Variants in SAMD12 observed in about 807,000 individuals in gnomAD.
The protein encoded by SAMD12 is sterile alpha motif domain-containing protein 12.
A neutral mutation model predicts 15.0 loss-of-function variants in SAMD12; 9 were observed. The ratio of observed to expected loss-of-function variants is 0.60; its 90% CI spans 0.36 to 1.05. SAMD12 has a LOEUF of 1.05. Among genes scored for constraint, SAMD12 ranks in the 50% least tolerant of loss-of-function variants. The probability of loss-of-function intolerance (pLI) is 0.01; values close to 1 mark genes in which losing one functional copy is unlikely to be tolerated. For synonymous variants in SAMD12, 86 were observed against 90.1 expected (o/e 0.96, Z 0.25); for missense variants, 230 against 234.2 (o/e 0.98, Z 0.12).
At chr8:118,422,380 A>G (rs1450741882) in intron 3 of SAMD12, among the ~76,000 whole-genome samples, 1 of 152,244 alleles carries the variant, frequency 6.6e-6, no homozygotes, top group East Asian at 1.9e-4. Context: ...ATTGTGTAAA[A>G]TGTAAAGCAA....
chr8:118,558,119 A>G (rs1367498527), intron 2 of SAMD12, among the ~76,000 whole-genome samples: 1 of 152,208 alleles, frequency 6.6e-6, no homozygotes, highest in African/African-American at 2.4e-5. Flanking sequence ...TATAAAAAGT[A>G]TATCTACGCA....
the SAMD12 span, among the ~76,000 whole-genome samples, chr8:118,138,060 A>G: frequency 6.6e-6 from 1 of 152,122 alleles, no homozygotes; most frequent in Non-Finnish European, 1.5e-5. Flanking sequence ...TGGGACAGAC[A>G]TGTGCTGGGA....
chr8:118,440,686 AC>A (rs1212883886), intron 2 of SAMD12, among the ~76,000 whole-genome samples: 17 of 148,494 alleles, frequency 1.1e-4, no homozygotes, highest in African/African-American at 3.6e-4. Context: ...ACACACACAC[AC>A]ACACACACAA....
chr8:118,574,669 T>G (rs566607346), intron 2 of SAMD12, among the ~76,000 whole-genome samples: 7 of 152,362 alleles, frequency 4.6e-5, no homozygotes, highest in African/African-American at 1.4e-4. Flanking sequence ...GTAGTTTCGT[T>G]TGAGCCCTGT....
intron 4 of SAMD12, among the ~76,000 whole-genome samples, chr8:118,236,009 G>A (rs1448003345): frequency 6.6e-6 from 1 of 152,136 alleles, no homozygotes; most frequent in African/African-American, 2.4e-5. Context: ...TCTTAAATGA[G>A]GTAGTAATAG....
intron 4 of SAMD12, among the ~76,000 whole-genome samples, chr8:118,364,588 T>G (rs1392231739): frequency 6.6e-6 from 1 of 152,152 alleles, no homozygotes; most frequent in African/African-American, 2.4e-5. Context: ...CAGCAGACCC[T>G]CACGCTTTCA....
chr8:118,457,989 T>C (rs1270400323), intron 2 of SAMD12, among the ~76,000 whole-genome samples: 1 of 152,226 alleles, frequency 6.6e-6, no homozygotes, highest in Non-Finnish European at 1.5e-5. Context: ...AATACTCACT[T>C]GGCTCTTGAA....
chr8:118,165,452 C>T, the SAMD12 span, among the ~76,000 whole-genome samples: 1 of 151,724 alleles, frequency 6.6e-6, no homozygotes, highest in African/African-American at 2.4e-5. Flanking sequence ...GACGGGGTTT[C>T]ACCATGTTGG....
intron 3 of SAMD12, among the ~76,000 whole-genome samples, chr8:118,386,611 C>T (rs1819978318): frequency 1.3e-5 from 2 of 152,210 alleles, no homozygotes; most frequent in African/African-American, 4.8e-5. Context: ...GTTCATTGTG[C>T]TCCTCATGGA....
chr8:118,380,658 G>A (rs1184117278), intron 3 of SAMD12, among the ~76,000 whole-genome samples: 1 of 152,172 alleles, frequency 6.6e-6, no homozygotes, highest in Non-Finnish European at 1.5e-5. Flanking sequence ...CACATCTGCA[G>A]ATCTTTTCTC....
chr8:118,332,766 A>G (rs1816864839), intron 4 of SAMD12, among the ~76,000 whole-genome samples: 1 of 152,124 alleles, frequency 6.6e-6, no homozygotes, highest in African/African-American at 2.4e-5. Flanking sequence ...TAGCCCTCAT[A>G]CTTGCCCCAT....
chr8:118,371,314 G>C (rs1412678789), intron 4 of SAMD12, among the ~76,000 whole-genome samples: 1 of 152,136 alleles, frequency 6.6e-6, no homozygotes, highest in Non-Finnish European at 1.5e-5. Flanking sequence ...GAAGTTAATT[G>C]AAGTAGAATT....
intron 4 of SAMD12, among the ~76,000 whole-genome samples, chr8:118,296,623 A>G (rs988156116): frequency 6.6e-6 from 1 of 152,274 alleles, no homozygotes; most frequent in Admixed American, 6.5e-5. Flanking sequence ...ACATTGGTGG[A>G]AAGAATGACA....
At chr8:118,150,346 CAT>C in the SAMD12 span, among the ~76,000 whole-genome samples, 1 of 152,118 alleles carries the variant, frequency 6.6e-6, no homozygotes, top group Non-Finnish European at 1.5e-5. Flanking sequence ...TTTTCTTCTA[CAT>C]GTTATAAATA....
In SAMD12 at chr8:118,510,175, C is replaced by T. The variant is rs72678145; in HGVS notation, c.193-70214G>A. 8.5e-3 allele frequency among the ~76,000 whole-genome samples: 1,290 copies of T among 152,028 alleles called. 8 individuals carry two copies. Among genetic ancestry groups the T allele is most frequent in the Admixed American group, 0.015 (223 of 15,258 alleles). ...AACAGTTGTTCTCAAATTTACATTA[C>T]AAAAAAATCTCTGAGAAGCTTGGTG... On this transcript the variant is annotated intron_variant, in intron 2 of 3. Transcript: ENST00000314727.
chr8:118,440,695 C>CAA (rs1411943086), intron 2 of SAMD12, among the ~76,000 whole-genome samples: 1 of 133,562 alleles, frequency 7.5e-6, no homozygotes, highest in Non-Finnish European at 1.6e-5. Flanking sequence ...CACACACACA[C>CAA]AAACACACAC....
At chr8:118,172,163 G>C in the SAMD12 span, among the ~76,000 whole-genome samples, 1 of 152,248 alleles carries the variant, frequency 6.6e-6, no homozygotes, top group East Asian at 1.9e-4. Flanking sequence ...TAAATGACGA[G>C]TTAATGGGTG....
intron 2 of SAMD12, among the ~76,000 whole-genome samples, chr8:118,541,236 C>T (rs1310482700): frequency 3.3e-5 from 5 of 152,148 alleles, no homozygotes; most frequent in Non-Finnish European, 7.4e-5. Context: ...AGCCACTGTC[C>T]AAAGTCATAC....
intron 2 of SAMD12, among the ~76,000 whole-genome samples, chr8:118,551,247 C>A (rs1429991713): frequency 2.6e-5 from 4 of 151,970 alleles, no homozygotes; most frequent in African/African-American, 7.3e-5. Context: ...CACACCACAC[C>A]TATTCCAAAA....
Sources: allele counts gnomAD v4.1 joint callset (sites outside exome capture counted in the v4.1 genomes callset), GRCh38; gene constraint gnomAD v4.1.1; transcripts MANE v1.5; gene names NCBI Gene and HGNC (gene_info 2026-07-23, HGNC 2026-07-21).